Variants in TLK1 observed in about 807,000 individuals in gnomAD.
TLK1 encodes the protein tousled like kinase 1, also known as serine/threonine-protein kinase tousled-like 1.
TLK1 carries 24 observed loss-of-function variants against 105.3 expected under a neutral mutation model. The ratio of observed to expected loss-of-function variants is 0.23; its 90% confidence interval spans 0.17 to 0.32. The LOEUF (loss-of-function observed/expected upper bound fraction) is 0.32, where lower values mean the gene tolerates loss of function less well. TLK1 is among the 10% of genes least tolerant of loss of function. The pLI, the probability that TLK1 is intolerant of heterozygous loss-of-function variation, is 1.00. For missense variants in TLK1, 558 were observed against 910.5 expected (o/e 0.61, Z 4.98); for synonymous variants, 321 against 310.4 (o/e 1.03, Z -0.36).
chr2:171,111,291 G>A (rs1342433746), intron 2 of TLK1, among the ~76,000 whole-genome samples: 5 of 152,124 alleles, frequency 3.3e-5, no homozygotes, highest in African/African-American at 1.2e-4. Flanking sequence ...AGATCTCCCC[G>A]GCTGAGCACA....
Position 171,160,102 on chromosome 2 carries a change from CCAT to C in TLK1, c.139+185_139+187del, listed in dbSNP as rs2105612867. 1.3e-5 allele frequency among the ~76,000 whole-genome samples: 2 copies of C among 152,282 alleles called. No homozygotes were observed. Among genetic ancestry groups the C allele is most frequent in the East Asian group, 3.9e-4 (2 of 5,170 alleles). ...CGTCTCCTCCGCCACCCGCGAACCACCATCCACAGCCAGGGCACTACCTCCCCA... is the reference window on the plus strand; with the variant it reads ...CGTCTCCTCCGCCACCCGCGAACCACCCACAGCCAGGGCACTACCTCCCCA... On this transcript the variant is annotated intron_variant, in intron 1 of 20. Coordinates refer to ENST00000431350, the MANE Select transcript of TLK1 (RefSeq NM_012290.5). The surrounding 1 kb of genome is among the most constrained non-coding windows in gnomAD (Gnocchi z 4.4).
intron 1 of TLK1, among the ~76,000 whole-genome samples, chr2:171,195,516 A>T (rs1044784118): frequency 2.6e-5 from 4 of 151,656 alleles, no homozygotes; most frequent in Non-Finnish European, 5.9e-5. Flanking sequence ...AAAAAAAAAA[A>T]AAAAAACATA....
intron 1 of TLK1, among the ~76,000 whole-genome samples, chr2:171,184,011 C>T (rs1692975319): frequency 6.6e-6 from 1 of 152,154 alleles, no homozygotes; most frequent in Non-Finnish European, 1.5e-5. Context: ...CCCAGATTGT[C>T]TGGGTGGGTC....
At chr2:171,135,658 C>T (rs190157380) in intron 1 of TLK1, among the ~76,000 whole-genome samples, 5 of 151,890 alleles carry the variant, frequency 3.3e-5, no homozygotes, top group East Asian at 1.9e-4. Flanking sequence ...AAAAATTAGC[C>T]GGGAGTGGTG....
intron 12 of TLK1, 121 bp from the exon 13 acceptor site, chr2:171,015,069 C>T (rs940236681): frequency 1.1e-5 from 8 of 726,842 alleles, no homozygotes; most frequent in African/African-American, 8.9e-5. Flanking sequence ...AAAGTACCAC[C>T]GAGTTAAAAG....
At chr2:171,002,194 G>C (rs546708614) in intron 18 of TLK1, among the ~76,000 whole-genome samples, 1 of 152,194 alleles carries the variant, frequency 6.6e-6, no homozygotes, top group South Asian at 2.1e-4. Flanking sequence ...TCCTTTACTG[G>C]CATGAAATTC....
intron 11 of TLK1, among the ~76,000 whole-genome samples, chr2:171,034,418 G>T (rs1459493541): frequency 6.6e-6 from 1 of 152,176 alleles, no homozygotes; most frequent in African/African-American, 2.4e-5. Context: ...TAAAAAGAAT[G>T]AAGTACTGAT....
intron 12 of TLK1, among the ~76,000 whole-genome samples, chr2:171,019,681 T>C (rs1322430934): frequency 6.6e-6 from 1 of 152,176 alleles, no homozygotes; most frequent in Non-Finnish European, 1.5e-5. Flanking sequence ...CTATAACCTA[T>C]GGGAGTTGGT....
intron 3 of TLK1, among the ~76,000 whole-genome samples, chr2:171,066,069 A>C (rs1346831129): frequency 6.6e-6 from 1 of 152,214 alleles, no homozygotes; most frequent in Admixed American, 6.5e-5. Context: ...GAATTCAAGG[A>C]TGATTTTGAG....
At chr2:171,127,883 T>C (rs1010766762) in intron 1 of TLK1, among the ~76,000 whole-genome samples, 4 of 152,140 alleles carry the variant, frequency 2.6e-5, no homozygotes, top group African/African-American at 7.2e-5. Context: ...TATATAGATA[T>C]ATATGTACTG....
intron 2 of TLK1, among the ~76,000 whole-genome samples, chr2:171,106,879 T>C (rs533801645): frequency 1.2e-4 from 19 of 152,334 alleles, no homozygotes; most frequent in East Asian, 3.9e-4. Context: ...CCAACATTAA[T>C]TCAGTATCTT....
At chr2:171,162,763 C>G (rs1380568645), upstream of TLK1, among the ~76,000 whole-genome samples, 1 of 152,188 alleles carries the variant, frequency 6.6e-6, no homozygotes, top group Admixed American at 6.5e-5. Context: ...GCAGGCCATA[C>G]AGTCAATTTG....
chr2:171,130,706 A>C (rs1352386390), intron 1 of TLK1, among the ~76,000 whole-genome samples: 1 of 152,054 alleles, frequency 6.6e-6, no homozygotes, highest in African/African-American at 2.4e-5. Context: ...AAAATAAATA[A>C]ATTTTATCCA....
intron 2 of TLK1, among the ~76,000 whole-genome samples, chr2:171,092,475 A>G (rs1053850906): frequency 2.0e-5 from 3 of 152,216 alleles, no homozygotes; most frequent in African/African-American, 7.2e-5. Context: ...AATATTAATC[A>G]AAGTGTTCAG....
At chr2:171,174,129 CT>C (rs751238289) in intron 1 of TLK1, among the ~76,000 whole-genome samples, 1 of 152,132 alleles carries the variant, frequency 6.6e-6, no homozygotes, top group Admixed American at 6.6e-5. Context: ...TCTTTTTCAT[CT>C]TTTTAATCTT....
At chr2:171,066,805 T>C in intron 3 of TLK1, 2 of 1,546,700 alleles carry the variant, frequency 1.3e-6, no homozygotes, top group Non-Finnish European at 1.7e-6. Context: ...ACTATAAAAT[T>C]AGAATAAAGT....
chr2:171,167,468 C>T (rs889040903), intron 1 of TLK1, among the ~76,000 whole-genome samples: 2 of 152,152 alleles, frequency 1.3e-5, no homozygotes, highest in Non-Finnish European at 2.9e-5. Context: ...GGCTCCATTA[C>T]ATTAGATTAT....
intron 5 of TLK1, 55 bp downstream of exon 5, chr2:171,058,096 C>T: frequency 6.4e-7 from 1 of 1,569,064 alleles, no homozygotes; most frequent in South Asian, 1.1e-5. Flanking sequence ...TTATTTCTAG[C>T]TCACAGCAGA....
chr2:171,006,039 C>A (rs1408652425), intron 18 of TLK1, 108 bp downstream of exon 18: 2 of 1,170,738 alleles, frequency 1.7e-6, no homozygotes, highest in Admixed American at 5.3e-5. Flanking sequence ...AGTACCTTTA[C>A]CACAGTAATC....
Sources: allele counts gnomAD v4.1 joint callset (sites outside exome capture counted in the v4.1 genomes callset), GRCh38; gene constraint gnomAD v4.1.1; non-coding constraint Gnocchi (gnomAD v3.1); transcripts MANE v1.5; gene names NCBI Gene and HGNC (gene_info 2026-07-23, HGNC 2026-07-21).